The following AGMO variants were observed in gnomAD, a reference collection of about 807,000 sequenced individuals.
AGMO encodes the protein glyceryl-ether monooxygenase.
Under a neutral mutation model 60.2 loss-of-function variants are expected in AGMO, and 75 were observed. The ratio of observed to expected loss-of-function variants is 1.25; its 90% confidence interval spans 1.03 to 1.51. AGMO has a LOEUF of 1.51. AGMO is among the 40% of genes most tolerant of loss of function. The pLI, the probability that AGMO is intolerant of heterozygous loss-of-function variation, is 0.00. For missense variants in AGMO, 763 were observed against 525.5 expected (o/e 1.45, Z -4.42); for synonymous variants, 261 against 177.1 (o/e 1.47, Z -3.76).
At position 15,415,237 on chromosome 7, in the gene AGMO, C is replaced by T. The variant is rs181360013; in HGVS notation, c.609+3321G>A. ...TCAGCCTCACGAGTAGCTGGGACTACAGGCACCCGCCACCATGCCCGGCTA... is the reference window on the plus strand; with the variant it reads ...TCAGCCTCACGAGTAGCTGGGACTATAGGCACCCGCCACCATGCCCGGCTA... On this transcript the variant is annotated intron_variant, in intron 5 of 12. Coordinates refer to ENST00000342526, the MANE Select transcript of AGMO (RefSeq NM_001004320.2). Among the ~76,000 whole-genome samples the T allele has an allele frequency of 4.6e-3, 695 of 152,028 alleles. 7 individuals are homozygous for T. The highest frequency in any genetic ancestry group is 0.016 in the African/African-American group (655 of 41,496).
chr7:15,281,061 T>G (rs1583359199), intron 12 of AGMO, among the ~76,000 whole-genome samples: 1 of 152,226 alleles, frequency 6.6e-6, no homozygotes, highest in South Asian at 2.1e-4. Flanking sequence ...CAGGGCCTCC[T>G]ACTCCTAGGG....
At chr7:15,183,748 T>C in the AGMO span, among the ~76,000 whole-genome samples, 3 of 152,244 alleles carry the variant, frequency 2.0e-5, no homozygotes, top group Non-Finnish European at 2.9e-5. Flanking sequence ...GTAGCATCTA[T>C]CACCTTTTAA....
intron 12 of AGMO, among the ~76,000 whole-genome samples, chr7:15,285,155 CG>C (rs1784067340): frequency 6.6e-6 from 1 of 151,594 alleles, no homozygotes; most frequent in Non-Finnish European, 1.5e-5. Context: ...AGCATTCCCC[CG>C]AGAACTAAAA....
intron 3 of AGMO, among the ~76,000 whole-genome samples, chr7:15,505,388 G>C (rs192970721): frequency 6.6e-6 from 1 of 151,882 alleles, no homozygotes; most frequent in Non-Finnish European, 1.5e-5. Context: ...GTGTCTGTCT[G>C]GTTGAAATGC....
Position 15,373,369 on chromosome 7 carries a change from G to A in AGMO, c.1075-7147C>T, listed in dbSNP as rs78025023. ...ATTTGCAGCCCCAATTACGCCTGCA[G>A]AACCCTATCTACTCCAACTTTCTTT... is the stretch of plus-strand genomic sequence containing the variant. On this transcript the variant is annotated intron_variant, in intron 10 of 12. Transcript: ENST00000342526. 4.8e-3 allele frequency among the ~76,000 whole-genome samples: 725 copies of A among 152,136 alleles called. 4 individuals carry two copies. The highest frequency in any genetic ancestry group is 8.0e-3 in the Non-Finnish European group (541 of 68,014).
At chr7:15,331,293 T>C (rs1195607328) in intron 12 of AGMO, among the ~76,000 whole-genome samples, 3 of 151,336 alleles carry the variant, frequency 2.0e-5, no homozygotes, top group African/African-American at 7.2e-5. Context: ...CTGTGAGAAA[T>C]AAAAATGATT....
chr7:15,544,823 C>G lies in AGMO; in HGVS notation c.358G>C (p.Ala120Pro), dbSNP rs1206760657. 1.9e-6 allele frequency: 3 copies of G among 1,609,744 alleles called. No individual in the cohort carries two copies. The highest frequency in any genetic ancestry group is 1.7e-5 in the Admixed American group (1 of 59,468). ...PWDSPWTWYS[A>P]FLGVDFGYYW... is the part of the protein sequence containing the mutation. ...TAGCCAAAGTCAACTCCTAAGAAGG[C>G]TGAATACCAAGTCCATGGAGAATCC... The change falls in exon 3 of 13, where the codon GCC becomes CCC. Residue 120 changes from alanine (A) to proline (P), a missense_variant. Transcript: ENST00000342526.
chr7:15,250,110 T>C (rs1383474654), intron 12 of AGMO, among the ~76,000 whole-genome samples: 4 of 152,326 alleles, frequency 2.6e-5, no homozygotes, highest in East Asian at 1.9e-4. Flanking sequence ...TGTGCTGTTA[T>C]CACATTTTGT....
intron 12 of AGMO, among the ~76,000 whole-genome samples, chr7:15,348,978 C>A (rs1782132620): frequency 6.6e-6 from 1 of 152,094 alleles, no homozygotes. Context: ...TAAACACTTC[C>A]ACATGCTTAT....
At chr7:15,399,769 C>G (rs1197350072) in intron 5 of AGMO, among the ~76,000 whole-genome samples, 2 of 152,076 alleles carry the variant, frequency 1.3e-5, no homozygotes, top group Non-Finnish European at 2.9e-5. Flanking sequence ...GTCATTTCCC[C>G]TGACCAAAAA....
rs1480436634 is a variant in AGMO at position 15,319,140 on chromosome 7, G to A, written c.1263+46374C>T. Among the ~76,000 whole-genome samples the A allele has an allele frequency of 2.0e-5, 3 of 152,018 alleles. No homozygotes were observed. The East Asian group carries it at 5.8e-4, about 29-fold the overall frequency. On this transcript the variant is annotated intron_variant, in intron 12 of 12. Coordinates refer to ENST00000342526, the MANE Select transcript of AGMO (RefSeq NM_001004320.2). ...CAAGAAGTTGATTGTTAATGCCTCA[G>A]CATAGGTTTTATTTTTCTGTAATGG... is the stretch of plus-strand genomic sequence containing the variant.
At chr7:15,346,600 T>C (rs1163068014) in intron 12 of AGMO, among the ~76,000 whole-genome samples, 1 of 140,240 alleles carries the variant, frequency 7.1e-6, no homozygotes, top group African/African-American at 2.8e-5. Flanking sequence ...AATTTTTGTA[T>C]CATAAATCTT....
intron 12 of AGMO, among the ~76,000 whole-genome samples, chr7:15,214,956 T>C (rs73277609): frequency 0.037 from 5,700 of 152,178 alleles, 384 homozygotes; most frequent in African/African-American, 0.13. Flanking sequence ...AGTGCATCTT[T>C]GACAGCAGTG....
chr7:15,167,088 T>G, the AGMO span, among the ~76,000 whole-genome samples: 1 of 152,128 alleles, frequency 6.6e-6, no homozygotes, highest in Non-Finnish European at 1.5e-5. Context: ...CTAAAAAAAA[T>G]CTTAGATTCT....
At chr7:15,170,495 T>G in the AGMO span, among the ~76,000 whole-genome samples, 1 of 152,220 alleles carries the variant, frequency 6.6e-6, no homozygotes, top group Non-Finnish European at 1.5e-5. Flanking sequence ...TGTGCTGCTG[T>G]GTATATGCAT....
intron 5 of AGMO, among the ~76,000 whole-genome samples, chr7:15,413,217 C>CAAT (rs1780664382): frequency 6.6e-6 from 1 of 152,056 alleles, no homozygotes; most frequent in Admixed American, 6.6e-5. Flanking sequence ...TGAATGGATT[C>CAAT]AATAGCAGCT....
chr7:15,171,331 C>T, the AGMO span, among the ~76,000 whole-genome samples: 1 of 152,116 alleles, frequency 6.6e-6, no homozygotes, highest in African/African-American at 2.4e-5. Flanking sequence ...AGTCATTGTC[C>T]ACACATTCTA....
intron 12 of AGMO, among the ~76,000 whole-genome samples, chr7:15,274,354 T>C (rs982744168): frequency 6.6e-6 from 1 of 152,200 alleles, no homozygotes; most frequent in African/African-American, 2.4e-5. Flanking sequence ...TCAAAGGCCT[T>C]TTCTGCAGCT....
intron 3 of AGMO, among the ~76,000 whole-genome samples, chr7:15,453,910 C>A (rs1222579417): frequency 6.7e-6 from 1 of 149,392 alleles, no homozygotes; most frequent in African/African-American, 2.4e-5. Context: ...TATTTTATTA[C>A]ACAAAATATA....
Sources: gnomAD v4.1 joint callset for allele counts (sites outside exome capture counted in the v4.1 genomes callset) on GRCh38, gnomAD v4.1.1 for gene constraint, MANE v1.5 for transcripts, NCBI Gene and HGNC (gene_info 2026-07-23, HGNC 2026-07-21) for gene names.